PLCG2: variants seen among roughly 807,000 people sequenced by gnomAD.
The protein encoded by PLCG2 is phospholipase C gamma 2, also known as 1-phosphatidylinositol 4,5-bisphosphate phosphodiesterase gamma-2.
A neutral mutation model predicts 175.6 loss-of-function variants in PLCG2; 69 were observed. That is an observed-to-expected ratio of 0.39 (90% confidence interval 0.32 to 0.48). The LOEUF (loss-of-function observed/expected upper bound fraction) is 0.48, where lower values mean the gene tolerates loss of function less well. PLCG2 is among the 20% of genes least tolerant of loss of function. The pLI, the probability that PLCG2 is intolerant of heterozygous loss-of-function variation, is 0.91. For missense variants in PLCG2, 1,798 were observed against 1,650.9 expected (o/e 1.09, Z -1.54); for synonymous variants, 827 against 624.0 (o/e 1.33, Z -4.85).
At chr16:81,895,361 C>A (rs1433461066) in intron 12 of PLCG2, among the ~76,000 whole-genome samples, 1 of 152,108 alleles carries the variant, frequency 6.6e-6, no homozygotes, top group African/African-American at 2.4e-5. Context: ...GAGATTGAGA[C>A]CACCCTGGCC....
At chr16:81,952,945 C>T (rs1049491275) in intron 31 of PLCG2, among the ~76,000 whole-genome samples, 1 of 152,212 alleles carries the variant, frequency 6.6e-6, no homozygotes, top group African/African-American at 2.4e-5. Context: ...CCATCTTAAT[C>T]AGATGATCAA....
At chr16:81,820,019 G>A (rs771954770) in intron 2 of PLCG2, among the ~76,000 whole-genome samples, 9 of 152,196 alleles carry the variant, frequency 5.9e-5, no homozygotes, top group Non-Finnish European at 1.0e-4. Context: ...CCTCCAGGGA[G>A]CACTGGACCC....
At chr16:81,914,715 T>G (rs1405086784) in intron 19 of PLCG2, among the ~76,000 whole-genome samples, 1 of 152,182 alleles carries the variant, frequency 6.6e-6, no homozygotes, top group Non-Finnish European at 1.5e-5. Context: ...ATGAGAGACA[T>G]CGCCTTACTC....
intron 22 of PLCG2, 66 bp downstream of exon 22, chr16:81,923,660 A>T: frequency 2.1e-6 from 2 of 970,770 alleles, no homozygotes; most frequent in Non-Finnish European, 3.2e-6. Flanking sequence ...TGGTGATAAG[A>T]CTCAGGTGCT....
At chr16:81,848,389 C>T (rs973269168) in intron 2 of PLCG2, among the ~76,000 whole-genome samples, 1 of 152,144 alleles carries the variant, frequency 6.6e-6, no homozygotes, top group Admixed American at 6.5e-5. Flanking sequence ...TGTTTGGGCC[C>T]TTTGGAAGGG....
intron 12 of PLCG2, among the ~76,000 whole-genome samples, 156 bp downstream of exon 12, chr16:81,893,950 C>CT (rs770949436): frequency 1.4e-5 from 2 of 147,822 alleles, no homozygotes; most frequent in Non-Finnish European, 1.5e-5. Context: ...TCTTTGTTTT[C>CT]TTTTTTCTTT....
Position 81,840,482 on chromosome 16 carries a change from A to G in PLCG2, c.194-13962A>G, listed in dbSNP as rs111388585. Among the ~76,000 whole-genome samples the G allele has an allele frequency of 8.6e-3, 1,305 of 152,328 alleles. 22 individuals carry two copies. The highest frequency in any genetic ancestry group is 0.028 in the African/African-American group (1,162 of 41,552). On this transcript the variant is annotated intron_variant, in intron 2 of 32. Transcript: ENST00000564138. ...AAATAATTATACAACTCACCGTAAT[A>G]TAGAATCAGTGGGAGACCTGAGCTT...
rs140365947 is a variant in PLCG2, at chr16:81,923,911, C to T, written c.2417+317C>T. Among the ~76,000 whole-genome samples the T allele has an allele frequency of 2.6e-3, 392 of 152,298 alleles. 1 individual carries two copies. Among genetic ancestry groups the T allele is most frequent in the African/African-American group, 9.1e-3 (378 of 41,556 alleles). On this transcript the variant is annotated intron_variant, in intron 22 of 32. Transcript: ENST00000564138. ...TAATTGCTTTCCATGCATTGTCTAA[C>T]CAAATCTTCAACCAAATCTTCATTA...
At chr16:81,906,148 T>A (rs1051367447) in intron 15 of PLCG2, 6 of 152,226 alleles carry the variant, frequency 3.9e-5, no homozygotes, top group African/African-American at 1.2e-4. Flanking sequence ...GGTACAATAC[T>A]AATAACTAGT....
chr16:81,950,996 AT>A lies in PLCG2; in HGVS notation c.3570+4737del, dbSNP rs199855850. ...CATTCTGGTTTATCAAAAAGGCCAA[AT>A]TTTGTTTTGAGACAGTGTTTTTTTC... On this transcript the variant is annotated intron_variant, in intron 31 of 32. Coordinates refer to ENST00000564138, the MANE Select transcript of PLCG2 (RefSeq NM_002661.5). 8.6e-3 allele frequency among the ~76,000 whole-genome samples: 1,308 copies of A among 151,512 alleles called. 24 individuals are homozygous for A. The highest frequency in any genetic ancestry group is 0.03 in the African/African-American group (1,240 of 41,502).
At chr16:81,889,982 T>C (rs771919012) in intron 10 of PLCG2, among the ~76,000 whole-genome samples, 1 of 151,942 alleles carries the variant, frequency 6.6e-6, no homozygotes. Flanking sequence ...TTAAAGATTG[T>C]TTGGCGGGCC....
chr16:81,855,511 C>A lies in PLCG2; in HGVS notation c.337+924C>A, dbSNP rs146324903. ...TTTCGGTCAAATAACTTATTAATTT[C>A]TCATTCATTCTTTTACTACATGTCT... On this transcript the variant is annotated intron_variant, in intron 3 of 32. Coordinates refer to ENST00000564138, the MANE Select transcript of PLCG2 (RefSeq NM_002661.5). 1.1e-4 allele frequency among the ~76,000 whole-genome samples: 17 copies of A among 152,324 alleles called. No homozygotes were observed. In the East Asian group the frequency reaches 1.5e-3, roughly 14 times the overall value.
intron 8 of PLCG2, among the ~76,000 whole-genome samples, chr16:81,881,936 G>A (rs1454138902): frequency 2.6e-5 from 4 of 152,082 alleles, no homozygotes; most frequent in African/African-American, 9.7e-5. Flanking sequence ...ACAGGCATGT[G>A]CCACTGTGCC....
At chr16:81,920,224 G>C (rs1275790338) in intron 20 of PLCG2, among the ~76,000 whole-genome samples, 1 of 152,172 alleles carries the variant, frequency 6.6e-6, no homozygotes, top group Admixed American at 6.5e-5. Context: ...TGAGTCATTG[G>C]AGAGTTCTGG....
At chr16:81,855,458 A>G (rs537947369) in intron 3 of PLCG2, among the ~76,000 whole-genome samples, 1 of 152,246 alleles carries the variant, frequency 6.6e-6, no homozygotes, top group Non-Finnish European at 1.5e-5. Flanking sequence ...GGCAGCTGTC[A>G]AAGTTGAGCA....
rs180804473 is a variant in PLCG2, at chr16:81,938,486, G to C, written c.3199-315G>C. On this transcript the variant is annotated intron_variant, in intron 28 of 32. Transcript: ENST00000564138. ...CCTTTCCTAGGGGTGTGGAAATCCA[G>C]TGATTAAGCTCTGCCTTGATCAGAG... The C allele has an allele frequency of 2.4e-3, 880 of 374,094 alleles. 11 individuals are homozygous for C. The highest frequency in any genetic ancestry group is 7.0e-4 in the Non-Finnish European group (144 of 206,780). The allele number at this position is 374,094 out of a possible 1,614,324, so 23.2% of individuals were successfully genotyped here. A position where few individuals can be genotyped will look rare whatever the true frequency, so the allele number is the denominator to read the frequency against.
rs1449062594 is a variant in PLCG2 at position 81,959,808 on chromosome 16, C to G, written c.*1810C>G. 1 of 185,692 alleles carries G rather than the reference C, an allele frequency of 5.4e-6. No individual in the cohort carries two copies. Among genetic ancestry groups the G allele is most frequent in the Non-Finnish European group, 1.1e-5 (1 of 87,832 alleles). 11.5% of individuals were successfully genotyped at this position (185,692 alleles called of 1,614,324 possible). ...CTATTTATTGCACCTGGCATCTCCC[C>G]CAACCCCTCTCAGCTCTGTTAGGAC... is the stretch of plus-strand genomic sequence containing the variant. On this transcript the variant is annotated 3_prime_UTR_variant, in exon 33 of 33. Transcript: ENST00000564138.
chr16:81,939,936 G>T lies in PLCG2; in HGVS notation c.3358G>T (p.Val1120Leu), dbSNP rs1254901490. ...SPIWAPTQEK[V>L]TFEIYDPNLA... ...TATCTGGGCTCCAACACAGGAGAAG[G>T]TGACATTTGAAATTTATGACCCAAA... Residue 1120 changes from valine to leucine, a missense_variant, in exon 30 of 33, where the codon GTG becomes TTG. Val to Leu is a conservative substitution (Grantham distance 32). Coordinates refer to ENST00000564138, the MANE Select transcript of PLCG2 (RefSeq NM_002661.5). The T allele has an allele frequency of 1.9e-6, 3 of 1,614,064 alleles. No individual in the cohort carries two copies. The highest frequency in any genetic ancestry group is 1.7e-6 in the Non-Finnish European group (2 of 1,179,918).
At chr16:81,942,259 G>A (rs771023010) in intron 30 of PLCG2, among the ~76,000 whole-genome samples, 6 of 152,118 alleles carry the variant, frequency 3.9e-5, no homozygotes, top group African/African-American at 9.7e-5. Context: ...ATAAAACCTC[G>A]TTACCTTAAT....
Sources: gnomAD v4.1 joint callset for allele counts (sites outside exome capture counted in the v4.1 genomes callset) on GRCh38, gnomAD v4.1.1 for gene constraint, MANE v1.5 for transcripts, NCBI Gene and HGNC (gene_info 2026-07-23, HGNC 2026-07-21) for gene names.